The following TF variants were observed in gnomAD, a reference collection of about 807,000 sequenced individuals.
TF encodes transferrin.
In TF, 55 loss-of-function variants were observed where a neutral mutation model predicts 82.4. The ratio of observed to expected loss-of-function variants is 0.67; its 90% CI spans 0.54 to 0.84. The LOEUF is 0.84. Among genes scored for constraint, TF ranks in the 40% least tolerant of loss-of-function variants. TF has a pLI of 0.00. For missense variants in TF, 737 were observed against 868.4 expected, an observed-to-expected ratio of 0.85 and a Z score of 1.90; for synonymous variants, 332 against 332.6, an observed-to-expected ratio of 1.00 and a Z score of 0.02.
At chr3:133,677,456 G>A in the TF span, among the ~76,000 whole-genome samples, 2 of 152,110 alleles carry the variant, frequency 1.3e-5, no homozygotes, top group African/African-American at 2.4e-5. Context: ...GGCCAAGATG[G>A]TGAAACCGTG....
the TF span, among the ~76,000 whole-genome samples, chr3:133,708,055 G>T: frequency 6.6e-6 from 1 of 152,090 alleles, no homozygotes. Flanking sequence ...GCTTTCTTTT[G>T]AACTTATATT....
At chr3:133,703,237 AT>A in the TF span, among the ~76,000 whole-genome samples, 1 of 152,228 alleles carries the variant, frequency 6.6e-6, no homozygotes, top group Admixed American at 6.5e-5. Context: ...TGTGACAAGC[AT>A]GTTTATGAGC....
the TF span, among the ~76,000 whole-genome samples, chr3:133,673,394 A>G: frequency 6.6e-6 from 1 of 152,372 alleles, no homozygotes; most frequent in East Asian, 1.9e-4. Flanking sequence ...TTCAGATACC[A>G]GCAACAGATA....
the TF span, among the ~76,000 whole-genome samples, chr3:133,705,189 G>A: frequency 8.1e-3 from 1,225 of 151,932 alleles, 22 homozygotes; most frequent in African/African-American, 0.028. Context: ...CAGGAGAATC[G>A]CTTGAACCTG....
At chr3:133,688,390 A>G in the TF span, 2 of 152,300 alleles carry the variant, frequency 1.3e-5, no homozygotes, top group Non-Finnish European at 2.9e-5. Flanking sequence ...CCTAAAACAC[A>G]GTGGAAGAAA....
the TF span, among the ~76,000 whole-genome samples, chr3:133,680,919 G>T: frequency 6.6e-6 from 1 of 152,236 alleles, no homozygotes; most frequent in South Asian, 2.1e-4. Context: ...CTAAAACAGG[G>T]TATGATAATA....
chr3:133,735,200 G>T, the TF span, among the ~76,000 whole-genome samples: 1 of 152,014 alleles, frequency 6.6e-6, no homozygotes, highest in Admixed American at 6.6e-5. Context: ...AATTAGCCAG[G>T]CGTGGTGGCA....
chr3:133,686,468 C>G, the TF span, among the ~76,000 whole-genome samples: 2 of 152,158 alleles, frequency 1.3e-5, no homozygotes, highest in African/African-American at 2.4e-5. Flanking sequence ...GGGCTAATAT[C>G]CAGATTCTAC....
chr3:133,676,254 G>A, the TF span, among the ~76,000 whole-genome samples: 5 of 151,990 alleles, frequency 3.3e-5, no homozygotes, highest in East Asian at 1.9e-4. Flanking sequence ...TAATAATTGC[G>A]TTTTCACAAC....
Position 133,777,042 on chromosome 3 carries a change from T to G in TF, c.1873-7T>G. 1 of 1,614,162 alleles carries G rather than the reference T, an allele frequency of 6.2e-7. No homozygotes were observed. Among genetic ancestry groups the G allele is most frequent in the Non-Finnish European group, 8.5e-7 (1 of 1,179,988 alleles). On this transcript the variant is annotated splice_polypyrimidine_tract_variant and splice_region_variant and intron_variant, in intron 15 of 16. Transcript: ENST00000402696. ...AGGTCCTCACGGACTTTCTGTTCACTTGACAGCACCTATTTGGAAGCAACG... is the reference window on the plus strand; with the variant it reads ...AGGTCCTCACGGACTTTCTGTTCACGTGACAGCACCTATTTGGAAGCAACG...
At chr3:133,776,454 G>C (rs1389260064) in intron 15 of TF, among the ~76,000 whole-genome samples, 1 of 152,150 alleles carries the variant, frequency 6.6e-6, no homozygotes, top group South Asian at 2.1e-4. Context: ...AAAAATAAGA[G>C]TATATTTGAA....
chr3:133,689,116 A>G, the TF span, among the ~76,000 whole-genome samples: 1 of 152,160 alleles, frequency 6.6e-6, no homozygotes. Context: ...ACTTGAGGTC[A>G]GGCGCTCAAG....
In TF at chr3:133,787,383, T is replaced by C. The variant is rs1157516810; in HGVS notation, c.*8763T>C. ...AGAGAAGGGAGTGAGGAAGGACTGG[T>C]TCAAGGTCAAAATTGTCATATTTAG... On this transcript the variant is annotated 3_prime_UTR_variant, in exon 17 of 17. Coordinates refer to ENST00000402696, the MANE Select transcript of TF (RefSeq NM_001063.4). 1.3e-5 allele frequency: 2 copies of C among 152,190 alleles called. No homozygotes were observed. Among genetic ancestry groups the C allele is most frequent in the South Asian group, 2.1e-4 (1 of 4,822 alleles). 9.4% of individuals were successfully genotyped at this position (152,190 alleles called of 1,614,324 possible).
chr3:133,710,679 C>T, the TF span, among the ~76,000 whole-genome samples: 2 of 152,216 alleles, frequency 1.3e-5, no homozygotes, highest in East Asian at 1.9e-4. Flanking sequence ...GTGCGGGTCA[C>T]TCCCATGTTC....
rs1933828388 is a variant in TF at position 133,756,303 on chromosome 3, G to C, written c.657G>C (p.Gly219=). 2 of 1,614,122 alleles carry C rather than the reference G, an allele frequency of 1.2e-6. No individual in the cohort carries two copies. Among genetic ancestry groups the C allele is most frequent in the Non-Finnish European group, 1.7e-6 (2 of 1,180,032 alleles). Residue 219 remains glycine, a synonymous_variant, in exon 6 of 17, where the codon GGG becomes GGC. Transcript: ENST00000402696. ...GAFKCLKDGA[G]DVAFVKHSTI... is the part of the protein sequence containing the mutation. ...CCAGGTGTCTGAAGGATGGTGCTGG[G>C]GATGTGGCCTTTGTCAAGCACTCGA...
the TF span, among the ~76,000 whole-genome samples, chr3:133,728,202 C>T: frequency 6.6e-6 from 1 of 152,114 alleles, no homozygotes; most frequent in Non-Finnish European, 1.5e-5. Context: ...TGTTGGCCTG[C>T]CTTGCTAGAT....
chr3:133,766,506 G>A (rs1934131466), intron 12 of TF, 73 bp downstream of exon 12: 1 of 1,600,994 alleles, frequency 6.2e-7, no homozygotes, highest in Non-Finnish European at 8.6e-7. Context: ...GGGAAGAGGA[G>A]TGTGGCATAA....
rs542693510 is a variant in TF, at chr3:133,746,456, G to A, written c.16G>A (p.Gly6Arg). ...CACCCGGAAGATGAGGCTCGCCGTG[G>A]GAGCCCTGCTGGTCTGCGCCGTCCT... MRLAV[G>R]ALLVCAVLGL... Residue 6 changes from glycine to arginine, a missense_variant, in exon 1 of 17, where the codon GGA becomes AGA. By Grantham distance (125) the Gly-to-Arg change is moderately radical. Coordinates refer to ENST00000402696, the MANE Select transcript of TF (RefSeq NM_001063.4). 7 of 1,600,806 alleles carry A rather than the reference G, an allele frequency of 4.4e-6. No individual in the cohort carries two copies. The African/African-American group carries it at 8.0e-5, about 18-fold the overall frequency.
At chr3:133,670,356 T>C in the TF span, among the ~76,000 whole-genome samples, 2 of 152,184 alleles carry the variant, frequency 1.3e-5, no homozygotes, top group African/African-American at 4.8e-5. Context: ...TGCCGTGAAG[T>C]TTTAAAACTG....
Sources: gnomAD v4.1 joint callset for allele counts (sites outside exome capture counted in the v4.1 genomes callset) on GRCh38, gnomAD v4.1.1 for gene constraint, MANE v1.5 for transcripts, NCBI Gene and HGNC (gene_info 2026-07-23, HGNC 2026-07-21) for gene names.